The following GRIK4 variants were observed in gnomAD, a reference collection of about 807,000 sequenced individuals.
GRIK4 encodes the protein glutamate receptor ionotropic, kainate 4.
GRIK4 carries 40 observed loss-of-function variants against 104.9 expected under a neutral mutation model. The ratio of observed to expected loss-of-function variants is 0.38; its 90% CI spans 0.30 to 0.50. The LOEUF is 0.50. GRIK4 is among the 20% of genes least tolerant of loss of function. The probability of loss-of-function intolerance (pLI) is 0.93; values close to 1 mark genes in which losing one functional copy is unlikely to be tolerated. For missense variants in GRIK4, 1,047 were observed against 1,308.1 expected, an observed-to-expected ratio of 0.80 and a Z score of 3.08; for synonymous variants, 485 against 524.9, an observed-to-expected ratio of 0.92 and a Z score of 1.04.
intron 6 of GRIK4, among the ~76,000 whole-genome samples, chr11:120,823,512 G>A (rs1203769153): frequency 6.6e-6 from 1 of 152,186 alleles, no homozygotes; most frequent in East Asian, 1.9e-4. Flanking sequence ...ATTAAGGGAC[G>A]CCAGGTCGCA....
rs1434383998 is a variant in GRIK4 at position 120,988,143 on chromosome 11, C to T, written c.*1883C>T. ...CCTGATTATTCCTGTGAGGGATACT[C>T]GTTTTGTCCTCACCTGACCTCACTC... On this transcript the variant is annotated 3_prime_UTR_variant, in exon 21 of 21. Coordinates refer to ENST00000527524, the MANE Select transcript of GRIK4 (RefSeq NM_014619.5). 2.0e-5 allele frequency: 3 copies of T among 152,332 alleles called. No individual in the cohort carries two copies. The highest frequency in any genetic ancestry group is 4.1e-4 in the South Asian group (2 of 4,832). 9.4% of individuals were successfully genotyped at this position (152,332 alleles called of 1,614,324 possible).
At chr11:120,726,659 A>AG (rs1251041282) in intron 3 of GRIK4, among the ~76,000 whole-genome samples, 1 of 152,152 alleles carries the variant, frequency 6.6e-6, no homozygotes, top group Non-Finnish European at 1.5e-5. Context: ...GTATATTTTA[A>AG]GGGGGAAATT....
intron 1 of GRIK4, among the ~76,000 whole-genome samples, chr11:120,539,008 C>G (rs1410126306): frequency 6.6e-6 from 1 of 152,230 alleles, no homozygotes; most frequent in Non-Finnish European, 1.5e-5. Context: ...CACCTGCCCC[C>G]AAAGCTTCTT....
chr11:120,848,052 A>G (rs766827897), intron 8 of GRIK4, among the ~76,000 whole-genome samples: 2 of 152,210 alleles, frequency 1.3e-5, no homozygotes, highest in Non-Finnish European at 2.9e-5. Context: ...TTATTCTGCC[A>G]ACACTGGAGT....
intron 3 of GRIK4, among the ~76,000 whole-genome samples, chr11:120,717,557 T>TA (rs569990491): frequency 7.1e-4 from 102 of 144,120 alleles, no homozygotes; most frequent in East Asian, 1.4e-3. Flanking sequence ...CCTAAAAGTT[T>TA]AAAAAAAAAA....
At chr11:120,840,001 G>T (rs1426664327) in intron 8 of GRIK4, among the ~76,000 whole-genome samples, 2 of 152,230 alleles carry the variant, frequency 1.3e-5, no homozygotes, top group Non-Finnish European at 2.9e-5. Flanking sequence ...GGTGACAGAG[G>T]TGACTGATGC....
intron 14 of GRIK4, among the ~76,000 whole-genome samples, chr11:120,944,118 C>T (rs1427023503): frequency 6.6e-6 from 1 of 152,184 alleles, no homozygotes; most frequent in African/African-American, 2.4e-5. Flanking sequence ...TACTGTTTTT[C>T]CATCCTGCTT....
At chr11:120,604,420 CG>C (rs1948931086) in intron 1 of GRIK4, among the ~76,000 whole-genome samples, 1 of 152,140 alleles carries the variant, frequency 6.6e-6, no homozygotes, top group African/African-American at 2.4e-5. Flanking sequence ...GGGGAAGCAC[CG>C]TTTGGACAAA....
intron 1 of GRIK4, among the ~76,000 whole-genome samples, chr11:120,541,262 T>A (rs573539595): frequency 6.6e-6 from 1 of 152,350 alleles, no homozygotes; most frequent in African/African-American, 2.4e-5. Flanking sequence ...TGACCCCTCC[T>A]TTGAGCCAGC....
In GRIK4 at chr11:120,903,947, T is replaced by A. The variant is rs985137465; in HGVS notation, c.1273-1343T>A. 2.0e-5 allele frequency among the ~76,000 whole-genome samples: 3 copies of A among 152,106 alleles called. No homozygotes were observed. The highest frequency in any genetic ancestry group is 7.2e-5 in the African/African-American group (3 of 41,412). On this transcript the variant is annotated intron_variant, in intron 12 of 20. Transcript: ENST00000527524. This position sits in a 1 kb window ranked among gnomAD's most constrained non-coding sequence, Gnocchi z 4.4. ...TGTGAGAATGGTGGGAGTGGCTACA[T>A]CCTCTATCTTCCAATTTCCTCCTCC...
intron 1 of GRIK4, among the ~76,000 whole-genome samples, chr11:120,602,605 C>T (rs567307316): frequency 6.6e-6 from 1 of 152,252 alleles, no homozygotes; most frequent in Non-Finnish European, 1.5e-5. Flanking sequence ...GAACACAGAA[C>T]TGGCTGAGCC....
At chr11:120,652,858 A>C (rs957354847) in intron 1 of GRIK4, among the ~76,000 whole-genome samples, 1 of 152,128 alleles carries the variant, frequency 6.6e-6, no homozygotes, top group African/African-American at 2.4e-5. Flanking sequence ...AGGAGAGGCT[A>C]TTTGCACAAC....
intron 3 of GRIK4, among the ~76,000 whole-genome samples, chr11:120,777,698 A>G (rs1952070405): frequency 6.6e-6 from 1 of 152,226 alleles, no homozygotes; most frequent in Non-Finnish European, 1.5e-5. Context: ...GCACTTTGGG[A>G]GGCCAAGGCG....
In GRIK4 at chr11:120,770,928, T is replaced by G. The variant is rs963401961; in HGVS notation, c.83-31765T>G. Among the ~76,000 whole-genome samples, 8 of 152,256 alleles carry G rather than the reference T, an allele frequency of 5.3e-5. No individual in the cohort carries two copies. The South Asian group carries it at 6.2e-4, about 12-fold the overall frequency. On this transcript the variant is annotated intron_variant, in intron 3 of 20. Coordinates refer to ENST00000527524, the MANE Select transcript of GRIK4 (RefSeq NM_014619.5). Reference sequence around the variant, plus strand: ...GCCAGCACTCCATAACTGTGAGAAATGAATTTCTGTTGTTTATAAGTCACC... The same window carrying G: ...GCCAGCACTCCATAACTGTGAGAAAGGAATTTCTGTTGTTTATAAGTCACC...
At chr11:120,759,715 T>C (rs540022845) in intron 3 of GRIK4, among the ~76,000 whole-genome samples, 3 of 152,196 alleles carry the variant, frequency 2.0e-5, no homozygotes, top group Non-Finnish European at 4.4e-5. Context: ...ATGGGATTAC[T>C]GTGATTGACT....
chr11:120,652,552 T>TG (rs1360435077), intron 1 of GRIK4, among the ~76,000 whole-genome samples: 1 of 152,156 alleles, frequency 6.6e-6, no homozygotes, highest in Non-Finnish European at 1.5e-5. Context: ...GGCTGCCACT[T>TG]GGAGTTTCTC....
At chr11:120,714,866 G>C (rs907513596) in intron 3 of GRIK4, among the ~76,000 whole-genome samples, 1 of 152,196 alleles carries the variant, frequency 6.6e-6, no homozygotes, top group Admixed American at 6.5e-5. Flanking sequence ...GTCTTGTTAA[G>C]GAGGGTTCGG....
intron 1 of GRIK4, among the ~76,000 whole-genome samples, chr11:120,610,933 A>G (rs998878323): frequency 6.6e-6 from 1 of 152,172 alleles, no homozygotes; most frequent in Non-Finnish European, 1.5e-5. Flanking sequence ...GGCCTTTTAC[A>G]TGAGAACCAC....
intron 14 of GRIK4, among the ~76,000 whole-genome samples, chr11:120,944,077 G>C (rs1251362088): frequency 6.6e-6 from 1 of 152,042 alleles, no homozygotes; most frequent in Non-Finnish European, 1.5e-5. Context: ...TTACTCACAG[G>C]CTGGCTGAGG....
Sources: allele counts gnomAD v4.1 joint callset (sites outside exome capture counted in the v4.1 genomes callset), GRCh38; gene constraint gnomAD v4.1.1; non-coding constraint Gnocchi (gnomAD v3.1); transcripts MANE v1.5; gene names NCBI Gene and HGNC (gene_info 2026-07-23, HGNC 2026-07-21).